The following TTC8 variants were observed in gnomAD, a reference collection of about 807,000 sequenced individuals.
TTC8 encodes tetratricopeptide repeat domain 8.
TTC8 carries 47 observed loss-of-function variants against 72.5 expected under a neutral mutation model. That is an observed-to-expected ratio of 0.65 (90% CI 0.51 to 0.83). TTC8 has a LOEUF of 0.83. TTC8 is among the 40% of genes least tolerant of loss of function. The pLI is 0.00. For missense variants in TTC8, 611 were observed against 623.2 expected (o/e 0.98, Z 0.21); for synonymous variants, 199 against 221.4 (o/e 0.90, Z 0.90).
At chr14:88,843,683 G>C in intron 6 of TTC8, 123 bp from the exon 7 acceptor site, 1 of 633,378 alleles carries the variant, frequency 1.6e-6, no homozygotes, top group Non-Finnish European at 2.7e-6. Flanking sequence ...ATTTTAAAAT[G>C]AGTGATAGTA....
At chr14:88,841,979 G>A (rs2094783905) in intron 6 of TTC8, among the ~76,000 whole-genome samples, 1 of 152,120 alleles carries the variant, frequency 6.6e-6, no homozygotes, top group South Asian at 2.1e-4. Context: ...CCACATAGTG[G>A]CATGCCAACC....
intron 7 of TTC8, among the ~76,000 whole-genome samples, chr14:88,851,811 A>G (rs977706059): frequency 4.2e-5 from 4 of 96,110 alleles, no homozygotes; most frequent in Non-Finnish European, 1.1e-4. Flanking sequence ...TTAGAGGCTC[A>G]GCATGGTGTC....
chr14:88,835,633 A>G (rs567122296), intron 2 of TTC8, among the ~76,000 whole-genome samples: 30 of 152,114 alleles, frequency 2.0e-4, no homozygotes, highest in Admixed American at 4.6e-4. Flanking sequence ...AAACTGTGTG[A>G]CCCTCCCATT....
At chr14:88,857,835 C>T (rs2094864161) in intron 9 of TTC8, among the ~76,000 whole-genome samples, 1 of 152,168 alleles carries the variant, frequency 6.6e-6, no homozygotes, top group Admixed American at 6.6e-5. Context: ...GTAAGTTTTT[C>T]AGGGTCCCTT....
chr14:88,830,752 G>A (rs569118926), intron 1 of TTC8: 8 of 430,002 alleles, frequency 1.9e-5, no homozygotes, highest in Admixed American at 4.9e-5. Flanking sequence ...GAAGCTGCAC[G>A]GGTGGATTAA....
intron 1 of TTC8, 65 bp downstream of exon 1, chr14:88,824,886 C>A: frequency 6.8e-7 from 1 of 1,470,728 alleles, no homozygotes; most frequent in Non-Finnish European, 9.4e-7. Flanking sequence ...GGGGCATATC[C>A]CAGCCCCGGG....
At chr14:88,833,862 CCTT>C in intron 2 of TTC8, 140 bp downstream of exon 2, 1 of 733,790 alleles carries the variant, frequency 1.4e-6, no homozygotes, top group South Asian at 1.5e-5. Flanking sequence ...ACATTCTGTG[CCTT>C]CTTATGTAAA....
rs1423119843 is a variant in TTC8, at chr14:88,877,392, G to T, written c.1530G>T (p.Gln510His). ...AACATTTAATTAAACAATTAAGGCA[G>T]CATTTTGCTATGCTCTGATTGTTCC... ...DTQHLIKQLR[Q>H]HFAML The change falls in exon 15 of 15, where the codon CAG becomes CAT. Residue 510 changes from glutamine (Q) to histidine (H), a missense_variant. By Grantham distance (24) the Gln-to-His change is conservative (BLOSUM62 0). Transcript: ENST00000380656. 3 of 1,613,302 alleles carry T rather than the reference G, an allele frequency of 1.9e-6. No individual in the cohort carries two copies. The East Asian group carries it at 6.7e-5, about 36-fold the overall frequency.
At chr14:88,848,058 G>T (rs1339498903) in intron 7 of TTC8, among the ~76,000 whole-genome samples, 1 of 147,298 alleles carries the variant, frequency 6.8e-6, no homozygotes, top group Non-Finnish European at 1.5e-5. Flanking sequence ...GGGAGGCAGA[G>T]GTTGCCGTGA....
At chr14:88,846,718 A>T (rs770800499) in intron 7 of TTC8, 1 of 1,089,654 alleles carries the variant, frequency 9.2e-7, no homozygotes, top group Admixed American at 2.5e-5. Flanking sequence ...TATTCTAAAG[A>T]TTCTAAGGGT....
intron 14 of TTC8, among the ~76,000 whole-genome samples, chr14:88,876,546 C>T (rs1020837936): frequency 2.0e-5 from 3 of 152,018 alleles, no homozygotes; most frequent in South Asian, 2.1e-4. Flanking sequence ...TTTGAGGTGA[C>T]GGATACCCCA....
At chr14:88,862,893 T>C (rs1240985153) in intron 10 of TTC8, among the ~76,000 whole-genome samples, 2 of 151,876 alleles carry the variant, frequency 1.3e-5, no homozygotes, top group Non-Finnish European at 2.9e-5. Flanking sequence ...TATCTAATTA[T>C]TGTAGTTTTA....
intron 1 of TTC8, among the ~76,000 whole-genome samples, chr14:88,828,097 C>T (rs1241256014): frequency 6.6e-6 from 1 of 152,202 alleles, no homozygotes; most frequent in Non-Finnish European, 1.5e-5. Flanking sequence ...CCTTAATTCT[C>T]AGCACCATAT....
chr14:88,856,185 G>A (rs547112105), intron 8 of TTC8, among the ~76,000 whole-genome samples: 1 of 152,280 alleles, frequency 6.6e-6, no homozygotes, highest in African/African-American at 2.4e-5. Flanking sequence ...TACTCCCTGT[G>A]AAACTGTGGG....
intron 7 of TTC8, among the ~76,000 whole-genome samples, chr14:88,847,619 GA>G (rs1159614844): frequency 1.3e-5 from 2 of 151,804 alleles, no homozygotes; most frequent in Non-Finnish European, 2.9e-5. Flanking sequence ...AATCAATGAA[GA>G]AGAAAAAAAA....
At chr14:88,867,657 T>C (rs1350606403) in intron 10 of TTC8, among the ~76,000 whole-genome samples, 2 of 152,242 alleles carry the variant, frequency 1.3e-5, no homozygotes, top group Non-Finnish European at 2.9e-5. Context: ...ATTGAAAACC[T>C]ACATACGAGG....
At chr14:88,839,024 A>G (rs574078731) in intron 2 of TTC8, among the ~76,000 whole-genome samples, 46 of 152,348 alleles carry the variant, frequency 3.0e-4, no homozygotes, top group Non-Finnish European at 3.5e-4. Context: ...GAGAAAGACA[A>G]GAGTGTGTAA....
rs1421706357 is a variant in TTC8 at position 88,841,484 on chromosome 14, A to G, written c.549A>G (p.Thr183=). ...TAAATTTATCTAGGCTGAATTTAAC[A>G]AAGTATTCCCAGAAACCTAAGTTGG... is the stretch of plus-strand genomic sequence containing the variant. ...PFINLSRLNL[T]KYSQKPKLAK... is the part of the protein sequence containing the mutation. Residue 183 remains threonine (T), a synonymous_variant, in exon 6 of 15, where the codon ACA becomes ACG. Transcript: ENST00000380656. 4 of 1,613,678 alleles carry G rather than the reference A, an allele frequency of 2.5e-6. No homozygotes were observed. Among genetic ancestry groups the G allele is most frequent in the Middle Eastern group, 1.6e-4 (1 of 6,070 alleles).
At chr14:88,866,382 AACACACAC>A (rs10553603) in intron 10 of TTC8, among the ~76,000 whole-genome samples, 19 of 146,664 alleles carry the variant, frequency 1.3e-4, no homozygotes, top group South Asian at 4.4e-4. Context: ...GGGAGATTTA[AACACACAC>A]ACACACACAC....
Sources: allele counts gnomAD v4.1 joint callset (sites outside exome capture counted in the v4.1 genomes callset), GRCh38; gene constraint gnomAD v4.1.1; transcripts MANE v1.5; gene names NCBI Gene and HGNC (gene_info 2026-07-23, HGNC 2026-07-21).